KCNAB1: variants seen among roughly 807,000 people sequenced by gnomAD.
KCNAB1 encodes the protein voltage-gated potassium channel subunit beta-1.
In KCNAB1, 35 loss-of-function variants were observed where a neutral mutation model predicts 64.6. That is an observed-to-expected ratio of 0.54 (90% CI 0.41 to 0.72). The LOEUF (loss-of-function observed/expected upper bound fraction) is 0.72. Ranked by LOEUF, KCNAB1 falls within the 30% of genes least tolerant of loss-of-function variation. The pLI, the probability that KCNAB1 is intolerant of heterozygous loss-of-function variation, is 0.00. For missense variants in KCNAB1, 401 were observed against 512.9 expected, an observed-to-expected ratio of 0.78 and a Z score of 2.11; for synonymous variants, 177 against 183.8, an observed-to-expected ratio of 0.96 and a Z score of 0.30.
intron 8 of KCNAB1, among the ~76,000 whole-genome samples, chr3:156,479,581 G>C (rs1414506938): frequency 2.0e-5 from 3 of 152,100 alleles, no homozygotes; most frequent in Non-Finnish European, 4.4e-5. Flanking sequence ...AAGAAGAGGG[G>C]ACACACTAAC....
chr3:156,529,527 A>G (rs905875347), intron 12 of KCNAB1, among the ~76,000 whole-genome samples: 1 of 151,794 alleles, frequency 6.6e-6, no homozygotes, highest in Non-Finnish European at 1.5e-5. Context: ...AGATAGCAGC[A>G]TCAGCATAAG....
chr3:156,514,353 A>G lies in KCNAB1; in HGVS notation c.659-11A>G, dbSNP rs752737388. 109 of 1,610,586 alleles carry G rather than the reference A, an allele frequency of 6.8e-5. No individual in the cohort carries two copies. In the East Asian group the frequency reaches 2.4e-3, roughly 36 times the overall value. On this transcript the variant is annotated splice_polypyrimidine_tract_variant and intron_variant, in intron 8 of 13. Transcript: ENST00000490337. ...AAATTCATGAAATGCTGTCTGTTTG[A>G]CCTTCCACAGAAATTGTCCGAGCCA...
chr3:156,436,924 A>G (rs927540690), intron 2 of KCNAB1, among the ~76,000 whole-genome samples: 2 of 151,824 alleles, frequency 1.3e-5, no homozygotes, highest in South Asian at 4.2e-4. Context: ...GTTTATTTCC[A>G]TTTGTCAATT....
intron 1 of KCNAB1, among the ~76,000 whole-genome samples, chr3:156,362,271 GA>G (rs1301213627): frequency 1.3e-5 from 2 of 152,182 alleles, no homozygotes; most frequent in Non-Finnish European, 2.9e-5. Context: ...AGAATGACGT[GA>G]TTATTATTGT....
intron 8 of KCNAB1, among the ~76,000 whole-genome samples, chr3:156,476,948 G>A (rs1456291869): frequency 6.6e-6 from 1 of 152,122 alleles, no homozygotes; most frequent in Non-Finnish European, 1.5e-5. Context: ...GTTATACCAT[G>A]TACAGGATAG....
At chr3:156,346,285 GA>G (rs1724477647) in intron 1 of KCNAB1, among the ~76,000 whole-genome samples, 1 of 152,082 alleles carries the variant, frequency 6.6e-6, no homozygotes, top group Non-Finnish European at 1.5e-5. Flanking sequence ...GAAAAACTCA[GA>G]GGAAATAATG....
chr3:156,302,252 C>T (rs910997167), intron 1 of KCNAB1, among the ~76,000 whole-genome samples: 2 of 152,148 alleles, frequency 1.3e-5, no homozygotes, highest in Non-Finnish European at 2.9e-5. Flanking sequence ...CTAGGTAATC[C>T]AGCAAATCTC....
At chr3:156,251,347 A>T (rs1027996525) in intron 1 of KCNAB1, among the ~76,000 whole-genome samples, 1 of 152,222 alleles carries the variant, frequency 6.6e-6, no homozygotes, top group African/African-American at 2.4e-5. Flanking sequence ...CCAATATGTA[A>T]GATTATTAAC....
intron 10 of KCNAB1, among the ~76,000 whole-genome samples, 172 bp downstream of exon 10, chr3:156,515,392 A>C (rs973554105): frequency 6.6e-6 from 1 of 152,182 alleles, no homozygotes; most frequent in Non-Finnish European, 1.5e-5. Flanking sequence ...ATGTAGCAGA[A>C]TCTGCATTTA....
At chr3:156,321,885 T>TA (rs2108026852) in intron 1 of KCNAB1, among the ~76,000 whole-genome samples, 1 of 152,344 alleles carries the variant, frequency 6.6e-6, no homozygotes, top group Non-Finnish European at 1.5e-5. Context: ...AGATGCATCT[T>TA]ACTTGTTTGT....
chr3:156,487,000 A>T (rs1715268384), intron 8 of KCNAB1, among the ~76,000 whole-genome samples: 1 of 152,178 alleles, frequency 6.6e-6, no homozygotes, highest in South Asian at 2.1e-4. Flanking sequence ...ATTTAAAAAA[A>T]TTAAGCTGAA....
intron 1 of KCNAB1, among the ~76,000 whole-genome samples, chr3:156,411,627 C>T (rs189617452): frequency 6.6e-6 from 1 of 152,134 alleles, no homozygotes; most frequent in African/African-American, 2.4e-5. Flanking sequence ...ATCCTTTCTC[C>T]ATTTAATTAC....
chr3:156,293,779 G>A (rs1720606918), intron 1 of KCNAB1, among the ~76,000 whole-genome samples: 1 of 152,224 alleles, frequency 6.6e-6, no homozygotes, highest in Non-Finnish European at 1.5e-5. Context: ...GTAGTCTTGA[G>A]TCCACTGATG....
At chr3:156,374,282 G>A (rs539499147) in intron 1 of KCNAB1, among the ~76,000 whole-genome samples, 2 of 152,306 alleles carry the variant, frequency 1.3e-5, no homozygotes, top group East Asian at 3.9e-4. Context: ...CCTGTTCTTA[G>A]ACTCTTTGAT....
At chr3:156,412,476 G>C (rs1160683428) in intron 1 of KCNAB1, among the ~76,000 whole-genome samples, 2 of 152,188 alleles carry the variant, frequency 1.3e-5, no homozygotes, top group Non-Finnish European at 2.9e-5. Context: ...CCACATCAGA[G>C]AGTTAAGAAA....
chr3:156,500,062 G>T (rs948422505), intron 8 of KCNAB1, among the ~76,000 whole-genome samples: 9 of 152,170 alleles, frequency 5.9e-5, no homozygotes, highest in African/African-American at 2.2e-4. Context: ...TGCAAGGTAG[G>T]CTCTGGGTTG....
At position 156,421,885 on chromosome 3, in the gene KCNAB1, A is replaced by C. The variant is rs147389674; in HGVS notation, c.319+226A>C. Among the ~76,000 whole-genome samples, 13 of 152,266 alleles carry C rather than the reference A, an allele frequency of 8.5e-5. No individual in the cohort carries two copies. The East Asian group carries it at 2.3e-3, about 27-fold the overall frequency. On this transcript the variant is annotated intron_variant, in intron 2 of 13. Coordinates refer to ENST00000490337, the MANE Select transcript of KCNAB1 (RefSeq NM_172160.3). ...TATAGGGGCCCGTCGAGCATAAGGC[A>C]ACCTGATGCTAAAGCACACCTCAGA...
intron 1 of KCNAB1, among the ~76,000 whole-genome samples, chr3:156,250,284 G>A (rs1367637872): frequency 6.6e-6 from 1 of 152,170 alleles, no homozygotes; most frequent in Non-Finnish European, 1.5e-5. Flanking sequence ...GGGAGGGCAA[G>A]TCCAGAGGGC....
At chr3:156,172,595 A>T (rs1182848014) in intron 1 of KCNAB1, among the ~76,000 whole-genome samples, 1 of 152,188 alleles carries the variant, frequency 6.6e-6, no homozygotes, top group Non-Finnish European at 1.5e-5. Context: ...ACGGCATTTT[A>T]AAAAAGGGAA....
Sources: gnomAD v4.1 joint callset for allele counts (sites outside exome capture counted in the v4.1 genomes callset) on GRCh38, gnomAD v4.1.1 for gene constraint, MANE v1.5 for transcripts, NCBI Gene and HGNC (gene_info 2026-07-23, HGNC 2026-07-21) for gene names.